The following EYS variants were observed in gnomAD, a reference collection of about 807,000 sequenced individuals.
EYS encodes the protein protein eyes shut homolog.
A neutral mutation model predicts 282.1 loss-of-function variants in EYS; 250 were observed. The observed-to-expected ratio is 0.89, with a 90% CI of 0.80 to 0.98. The LOEUF is 0.98. EYS is among the 50% of genes least tolerant of loss of function. The pLI, the probability that EYS is intolerant of heterozygous loss-of-function variation, is 0.00. For missense variants in EYS, 4,016 were observed against 3,709.0 expected (o/e 1.08, Z -2.15); for synonymous variants, 1,355 against 1,282.9 (o/e 1.06, Z -1.20).
intron 1 of EYS, among the ~76,000 whole-genome samples, chr6:65,683,017 G>C (rs536068015): frequency 6.6e-6 from 1 of 151,936 alleles, no homozygotes; most frequent in Non-Finnish European, 1.5e-5. Context: ...ACTATGTTCA[G>C]ATATGGATCA....
At chr6:63,967,730 G>T (rs1217279959) in intron 35 of EYS, among the ~76,000 whole-genome samples, 1 of 152,188 alleles carries the variant, frequency 6.6e-6, no homozygotes, top group East Asian at 1.9e-4. Flanking sequence ...GAGGCTGCTT[G>T]TTGAAATCAG....
At position 64,668,837 on chromosome 6, in the gene EYS, T is replaced by G. The variant is rs111909101; in HGVS notation, c.3444-42592A>C. Among the ~76,000 whole-genome samples the G allele has an allele frequency of 4.4e-3, 669 of 151,974 alleles. 4 individuals are homozygous for G. Among genetic ancestry groups the G allele is most frequent in the African/African-American group, 0.015 (612 of 41,448 alleles). On this transcript the variant is annotated intron_variant, in intron 22 of 42. Transcript: ENST00000503581. ...CCGCCTCAGCCTCCCAAAGTGCTGGTATTACAGGTGTGAGCCACCACACCT... is the reference window on the plus strand; with the variant it reads ...CCGCCTCAGCCTCCCAAAGTGCTGGGATTACAGGTGTGAGCCACCACACCT...
At chr6:63,770,169 A>G (rs1769895048) in intron 40 of EYS, among the ~76,000 whole-genome samples, 1 of 152,062 alleles carries the variant, frequency 6.6e-6, no homozygotes, top group Admixed American at 6.6e-5. Flanking sequence ...ACTTAATCAA[A>G]GTTTAATCAC....
intron 31 of EYS, among the ~76,000 whole-genome samples, chr6:64,160,717 C>T (rs529748240): frequency 6.6e-6 from 1 of 152,258 alleles, no homozygotes; most frequent in African/African-American, 2.4e-5. Flanking sequence ...GAATGAATGA[C>T]AGGATATGTG....
At chr6:64,309,817 T>C (rs1769605891) in intron 29 of EYS, among the ~76,000 whole-genome samples, 1 of 151,878 alleles carries the variant, frequency 6.6e-6, no homozygotes, top group African/African-American at 2.4e-5. Context: ...ATACAAAACT[T>C]AGCTGGGCAT....
intron 13 of EYS, among the ~76,000 whole-genome samples, chr6:65,026,900 G>C (rs899799144): frequency 3.7e-5 from 5 of 133,820 alleles, no homozygotes; most frequent in African/African-American, 1.3e-4. Context: ...CTGGGCGACA[G>C]AGTGAGACTC....
intron 22 of EYS, among the ~76,000 whole-genome samples, chr6:64,698,806 T>G (rs1770676535): frequency 6.6e-6 from 1 of 152,104 alleles, no homozygotes; most frequent in African/African-American, 2.4e-5. Flanking sequence ...GAATAGCTAT[T>G]ATTAAAAAGT....
intron 19 of EYS, among the ~76,000 whole-genome samples, chr6:64,882,325 A>G (rs1398121921): frequency 3.3e-5 from 5 of 151,814 alleles, no homozygotes; most frequent in African/African-American, 9.7e-5. Context: ...CTTCTGTTAG[A>G]TGAAATTTTA....
At position 65,335,012 on chromosome 6, in the gene EYS, T is replaced by C; in HGVS notation, c.1734A>G (p.Glu578=). The C allele has an allele frequency of 6.2e-7, 1 of 1,610,812 alleles. No homozygotes were observed. The highest frequency in any genetic ancestry group is 1.3e-5 in the African/African-American group (1 of 74,854). Residue 578 remains glutamate, a synonymous_variant, in exon 11 of 43, where the codon GAA becomes GAG. Coordinates refer to ENST00000503581, the MANE Select transcript of EYS (RefSeq NM_001142800.2). The part of the protein sequence containing the change: ...TDDQENECQH[E]AVCKDEINRP... ...TATTAATTTCATCTTTACAAACAGC[T>C]TCATGTTGACACTCATTTTCTTGAT...
chr6:63,868,632 C>A (rs1049619313), intron 35 of EYS, among the ~76,000 whole-genome samples: 15 of 152,172 alleles, frequency 9.9e-5, no homozygotes, highest in Non-Finnish European at 1.5e-5. Flanking sequence ...AATAACCCAT[C>A]TCTATGTATC....
At chr6:64,523,089 T>C (rs1314195370) in intron 26 of EYS, among the ~76,000 whole-genome samples, 1 of 151,690 alleles carries the variant, frequency 6.6e-6, no homozygotes, top group Non-Finnish European at 1.5e-5. Flanking sequence ...TTAACAGTTT[T>C]AGCATTTAAA....
rs371417706 is a variant in EYS, at chr6:63,907,609, A to G, written c.7056-43251T>C. On this transcript the variant is annotated intron_variant, in intron 35 of 42. Coordinates refer to ENST00000503581, the MANE Select transcript of EYS (RefSeq NM_001142800.2). ...TCTCCTCTTAGCATAACTTGAATAT[A>G]TAAGTACCAAGGCATTCATTTTTTT... is the stretch of plus-strand genomic sequence containing the variant. 3.2e-4 allele frequency among the ~76,000 whole-genome samples: 48 copies of G among 152,288 alleles called. 1 individual carries two copies. In the East Asian group the frequency reaches 8.9e-3, roughly 28 times the overall value.
At position 64,727,891 on chromosome 6, in the gene EYS, G is replaced by C. The variant is rs998681355; in HGVS notation, c.3443+85487C>G. 2.0e-5 allele frequency among the ~76,000 whole-genome samples: 3 copies of C among 152,184 alleles called. No homozygotes were observed. The East Asian group carries it at 5.8e-4, about 29-fold the overall frequency. ...TACTTTGTCCAAAACAACCTACCTA[G>C]GTACCATGATTCCTGTCAGCTACAT... On this transcript the variant is annotated intron_variant, in intron 22 of 42. Coordinates refer to ENST00000503581, the MANE Select transcript of EYS (RefSeq NM_001142800.2).
At chr6:65,689,635 T>C (rs1358949112) in intron 1 of EYS, among the ~76,000 whole-genome samples, 1 of 150,386 alleles carries the variant, frequency 6.6e-6, no homozygotes, top group Non-Finnish European at 1.5e-5. Context: ...AATAATAACA[T>C]AAGTATTTTA....
intron 12 of EYS, among the ~76,000 whole-genome samples, chr6:65,179,385 C>A (rs774791685): frequency 6.6e-6 from 1 of 152,072 alleles, no homozygotes; most frequent in Non-Finnish European, 1.5e-5. Flanking sequence ...GATACCACCA[C>A]CAATCCCACA....
intron 40 of EYS, among the ~76,000 whole-genome samples, chr6:63,769,796 T>C (rs999987567): frequency 6.6e-6 from 1 of 152,066 alleles, no homozygotes; most frequent in African/African-American, 2.4e-5. Context: ...CTCATTACTA[T>C]AGAAATTCAA....
chr6:64,341,896 A>C (rs1771129149), intron 29 of EYS, among the ~76,000 whole-genome samples: 1 of 151,654 alleles, frequency 6.6e-6, no homozygotes, highest in Non-Finnish European at 1.5e-5. Flanking sequence ...TGAATAAAAG[A>C]ATACCGAATG....
intron 7 of EYS, among the ~76,000 whole-genome samples, chr6:65,391,999 C>T (rs1316353325): frequency 6.6e-6 from 1 of 151,428 alleles, no homozygotes; most frequent in Non-Finnish European, 1.5e-5. Context: ...CAGAACAGAG[C>T]CCTCAGAAAT....
intron 30 of EYS, among the ~76,000 whole-genome samples, chr6:64,294,093 C>CA: frequency 1.8e-4 from 1 of 5,564 alleles, no homozygotes. Context: ...AGAGTTAATC[C>CA]AAAGTTTGTC....
Sources: gnomAD v4.1 joint callset for allele counts (sites outside exome capture counted in the v4.1 genomes callset) on GRCh38, gnomAD v4.1.1 for gene constraint, MANE v1.5 for transcripts, NCBI Gene and HGNC (gene_info 2026-07-23, HGNC 2026-07-21) for gene names.